The following ARHGAP44 variants were observed in gnomAD, a reference collection of about 807,000 sequenced individuals.
ARHGAP44 encodes the protein rho GTPase-activating protein 44.
In ARHGAP44, 43 loss-of-function variants were observed where a neutral mutation model predicts 106.8. That is an observed-to-expected ratio of 0.40 (90% confidence interval 0.32 to 0.52). The LOEUF (loss-of-function observed/expected upper bound fraction) is 0.52. ARHGAP44 is among the 20% of genes least tolerant of loss of function. The pLI, the probability that ARHGAP44 is intolerant of heterozygous loss-of-function variation, is 0.48. For synonymous variants in ARHGAP44, 439 were observed against 410.3 expected, an observed-to-expected ratio of 1.07 and a Z score of -0.85; for missense variants, 866 against 1,050.5, an observed-to-expected ratio of 0.82 and a Z score of 2.43.
chr17:12,924,741 C>G (rs80023906), intron 6 of ARHGAP44, among the ~76,000 whole-genome samples: 2 of 152,264 alleles, frequency 1.3e-5, no homozygotes, highest in African/African-American at 4.8e-5. Flanking sequence ...TCTCTACACG[C>G]ACTCAGAGGA....
At chr17:12,861,770 G>C (rs1439861062) in intron 1 of ARHGAP44, among the ~76,000 whole-genome samples, 3 of 151,270 alleles carry the variant, frequency 2.0e-5, no homozygotes, top group South Asian at 2.1e-4. Context: ...GAGTAGCTGG[G>C]ACTACAGGTA....
At chr17:12,816,727 A>G (rs1191796370) in intron 1 of ARHGAP44, among the ~76,000 whole-genome samples, 2 of 152,330 alleles carry the variant, frequency 1.3e-5, no homozygotes, top group Non-Finnish European at 1.5e-5. Context: ...CTACGTGTGT[A>G]TGCATCTGAG....
chr17:12,919,846 C>G lies in ARHGAP44; in HGVS notation c.464+15C>G, dbSNP rs1426286301. 6.2e-7 allele frequency: 1 copy of G among 1,606,238 alleles called. No homozygotes were observed. Among genetic ancestry groups the G allele is most frequent in the African/African-American group, 1.3e-5 (1 of 74,594 alleles). ...TCACGAACCAGGTAGAATCTCTTTA[C>G]TTTCTTTTTTGCTTCTTTGAAGGGA... is the stretch of plus-strand genomic sequence containing the variant. On this transcript the variant is annotated intron_variant, in intron 6 of 20. Coordinates refer to ENST00000379672, the MANE Select transcript of ARHGAP44 (RefSeq NM_014859.6).
At chr17:12,820,619 C>T (rs1340357192) in intron 1 of ARHGAP44, among the ~76,000 whole-genome samples, 1 of 151,952 alleles carries the variant, frequency 6.6e-6, no homozygotes, top group Non-Finnish European at 1.5e-5. Flanking sequence ...AGAGATAGAC[C>T]ATATAGTAAG....
intron 1 of ARHGAP44, among the ~76,000 whole-genome samples, chr17:12,821,352 T>G (rs1315182081): frequency 1.3e-5 from 2 of 152,228 alleles, no homozygotes; most frequent in African/African-American, 4.8e-5. Context: ...TTGTGGTTTT[T>G]GTTTATAACC....
At chr17:12,952,330 A>G (rs987216041) in intron 12 of ARHGAP44, among the ~76,000 whole-genome samples, 171 bp from the exon 13 acceptor site, 4 of 152,188 alleles carry the variant, frequency 2.6e-5, no homozygotes, top group African/African-American at 9.6e-5. Flanking sequence ...GACAAGACAG[A>G]AGGAGAACAT....
intron 6 of ARHGAP44, among the ~76,000 whole-genome samples, chr17:12,925,719 A>G (rs2038211788): frequency 6.6e-6 from 1 of 152,208 alleles, no homozygotes; most frequent in Non-Finnish European, 1.5e-5. Context: ...TAGTGAGAAG[A>G]AATGATCCTT....
chr17:12,875,125 G>C (rs2036516143), intron 1 of ARHGAP44, among the ~76,000 whole-genome samples: 1 of 152,188 alleles, frequency 6.6e-6, no homozygotes, highest in Non-Finnish European at 1.5e-5. Flanking sequence ...TTAAAACACA[G>C]ATTGCTTGAC....
intron 13 of ARHGAP44, 141 bp downstream of exon 13, chr17:12,952,722 CTTTTTTTTTTTTT>C (rs201371135): frequency 0.011 from 3,525 of 306,582 alleles, no homozygotes; most frequent in Middle Eastern, 0.019. Flanking sequence ...TGCATGGTCT[CTTTTTTTTTTTTT>C]TTTTTTTTTT....
intron 1 of ARHGAP44, among the ~76,000 whole-genome samples, chr17:12,867,114 A>T (rs1185486093): frequency 2.0e-5 from 3 of 151,328 alleles, no homozygotes. Context: ...AGAAAGTGAG[A>T]GGAGAGATCT....
At chr17:12,909,150 G>GC (rs2037648016) in intron 4 of ARHGAP44, among the ~76,000 whole-genome samples, 177 bp downstream of exon 4, 1 of 152,178 alleles carries the variant, frequency 6.6e-6, no homozygotes, top group Non-Finnish European at 1.5e-5. Flanking sequence ...TATTGTCTGT[G>GC]CGGTGAGGCA....
chr17:12,825,327 G>A (rs1201255957), intron 1 of ARHGAP44, among the ~76,000 whole-genome samples: 3 of 128,390 alleles, frequency 2.3e-5, no homozygotes, highest in African/African-American at 4.2e-5. Context: ...ATGAGCCACT[G>A]CTCCCAGCCC....
chr17:12,985,236 A>AT (rs1487184842), intron 20 of ARHGAP44: 1 of 272,734 alleles, frequency 3.7e-6, no homozygotes, highest in African/African-American at 2.2e-5. Flanking sequence ...GAAGCTGGTT[A>AT]TGATCACAAA....
intron 1 of ARHGAP44, among the ~76,000 whole-genome samples, chr17:12,803,357 T>G (rs2034179193): frequency 6.6e-6 from 1 of 152,160 alleles, no homozygotes; most frequent in Non-Finnish European, 1.5e-5. Flanking sequence ...TCTGCCTGCC[T>G]CTGCCTCCCT....
At chr17:12,894,821 T>C in intron 1 of ARHGAP44, 119 bp from the exon 2 acceptor site, 3 of 857,374 alleles carry the variant, frequency 3.5e-6, no homozygotes, top group Non-Finnish European at 5.4e-6. Context: ...TCTTATTAAA[T>C]GTTTCTACTA....
chr17:12,818,141 T>G (rs1018075111), intron 1 of ARHGAP44, among the ~76,000 whole-genome samples: 1 of 151,948 alleles, frequency 6.6e-6, no homozygotes, highest in African/African-American at 2.4e-5. Flanking sequence ...TAAAACATTA[T>G]GACCAAGTGA....
chr17:12,982,361 G>T lies in ARHGAP44; in HGVS notation c.1939+2128G>T, dbSNP rs79248232. 8.3e-3 allele frequency among the ~76,000 whole-genome samples: 1,255 copies of T among 150,488 alleles called. 53 individuals carry two copies. In the East Asian group the frequency reaches 0.13, roughly 15 times the overall value. On this transcript the variant is annotated intron_variant, in intron 19 of 20. Transcript: ENST00000379672. Reference sequence around the variant, plus strand: ...CACCTCAGTCTTCTGACAGCGTGCCGACAATTTCACATCCTATTCCTGTCA... The same window carrying T: ...CACCTCAGTCTTCTGACAGCGTGCCTACAATTTCACATCCTATTCCTGTCA...
intron 1 of ARHGAP44, among the ~76,000 whole-genome samples, chr17:12,825,995 G>A (rs748110615): frequency 4.6e-5 from 7 of 152,066 alleles, no homozygotes; most frequent in South Asian, 2.1e-4. Flanking sequence ...CTTTGTGTTC[G>A]TTCTAAAATA....
At chr17:12,921,429 T>C (rs777384145) in intron 6 of ARHGAP44, among the ~76,000 whole-genome samples, 1 of 152,184 alleles carries the variant, frequency 6.6e-6, no homozygotes, top group Non-Finnish European at 1.5e-5. Flanking sequence ...CACTGCACTC[T>C]TGAACTCTTG....
Sources: gnomAD v4.1 joint callset for allele counts (sites outside exome capture counted in the v4.1 genomes callset) on GRCh38, gnomAD v4.1.1 for gene constraint, MANE v1.5 for transcripts, NCBI Gene and HGNC (gene_info 2026-07-23, HGNC 2026-07-21) for gene names.